Variants in NHSL1 observed in about 807,000 individuals in gnomAD.
NHSL1 encodes the protein NHS like 1.
A neutral mutation model predicts 95.0 loss-of-function variants in NHSL1; 48 were observed. The ratio of observed to expected loss-of-function variants is 0.51; its 90% CI spans 0.40 to 0.64. NHSL1 has a LOEUF of 0.64. Ranked by LOEUF, NHSL1 falls within the 30% of genes least tolerant of loss-of-function variation. NHSL1 has a pLI of 0.00. For synonymous variants in NHSL1, 783 were observed against 833.9 expected, an observed-to-expected ratio of 0.94 and a Z score of 1.05; for missense variants, 1,971 against 2,077.7, an observed-to-expected ratio of 0.95 and a Z score of 1.00.
At chr6:138,654,990 C>A (rs535750966) in intron 1 of NHSL1, among the ~76,000 whole-genome samples, 2 of 152,250 alleles carry the variant, frequency 1.3e-5, no homozygotes, top group South Asian at 2.1e-4. Flanking sequence ...TATTTCCATA[C>A]TGGTGGATAA....
At chr6:138,675,370 T>A (rs909991792) in intron 1 of NHSL1, among the ~76,000 whole-genome samples, 9 of 151,928 alleles carry the variant, frequency 5.9e-5, no homozygotes. Context: ...CCCTTCACCC[T>A]CCAAAAGGCA....
intron 3 of NHSL1, among the ~76,000 whole-genome samples, chr6:138,449,970 G>A (rs1331677876): frequency 6.6e-6 from 1 of 152,132 alleles, no homozygotes; most frequent in East Asian, 1.9e-4. Flanking sequence ...AACTGAGCAT[G>A]TTGTTGGTGT....
intron 3 of NHSL1, among the ~76,000 whole-genome samples, chr6:138,457,865 G>A (rs1158700199): frequency 6.6e-6 from 1 of 151,998 alleles, no homozygotes; most frequent in African/African-American, 2.4e-5. Context: ...AAAATTAGCT[G>A]GGCATGGTGG....
chr6:138,453,517 G>T (rs1777378215), intron 3 of NHSL1, among the ~76,000 whole-genome samples: 1 of 151,498 alleles, frequency 6.6e-6, no homozygotes, highest in South Asian at 2.1e-4. Context: ...AGCGTCCCTG[G>T]CTAATTTATT....
intron 1 of NHSL1, among the ~76,000 whole-genome samples, chr6:138,675,198 T>C (rs1785432858): frequency 6.6e-6 from 1 of 152,326 alleles, no homozygotes; most frequent in African/African-American, 2.4e-5. Flanking sequence ...TTCCCTCTTC[T>C]GGCTTGGTGC....
chr6:138,517,805 A>C (rs1240331794), intron 1 of NHSL1, among the ~76,000 whole-genome samples: 9 of 152,218 alleles, frequency 5.9e-5, no homozygotes, highest in Admixed American at 5.2e-4. Context: ...TTGTGGAGCC[A>C]CTGAAGCAGC....
chr6:138,426,073 A>G (rs1167475155), intron 7 of NHSL1, among the ~76,000 whole-genome samples: 1 of 152,218 alleles, frequency 6.6e-6, no homozygotes, highest in Non-Finnish European at 1.5e-5. Context: ...CAGTGAGCCA[A>G]GTGGCCCCTT....
chr6:138,520,378 T>C (rs1781629303), intron 1 of NHSL1, among the ~76,000 whole-genome samples: 1 of 134,256 alleles, frequency 7.4e-6, no homozygotes, highest in Non-Finnish European at 1.5e-5. Flanking sequence ...AACCTCTGCC[T>C]CCCGGGTTCA....
intron 1 of NHSL1, among the ~76,000 whole-genome samples, chr6:138,663,700 TCTCTA>T (rs1785259633): frequency 6.6e-6 from 1 of 151,976 alleles, no homozygotes; most frequent in African/African-American, 2.4e-5. Context: ...TGAAACCCCA[TCTCTA>T]CTAAAAAATA....
chr6:138,487,569 G>T (rs1000788217), intron 2 of NHSL1, among the ~76,000 whole-genome samples: 1 of 152,182 alleles, frequency 6.6e-6, no homozygotes, highest in African/African-American at 2.4e-5. Context: ...TAATATCTTT[G>T]TGTCAGTTAA....
At chr6:138,581,777 G>A (rs1784060638) in intron 1 of NHSL1, among the ~76,000 whole-genome samples, 1 of 151,392 alleles carries the variant, frequency 6.6e-6, no homozygotes, top group African/African-American at 2.4e-5. Flanking sequence ...TTGAGAGGCA[G>A]TGACACTGGG....
intron 7 of NHSL1, among the ~76,000 whole-genome samples, chr6:138,425,309 C>G (rs1775191176): frequency 6.6e-6 from 1 of 152,106 alleles, no homozygotes; most frequent in Non-Finnish European, 1.5e-5. Flanking sequence ...GTTGCCCAGG[C>G]TGGTCTCAAA....
chr6:138,430,607 ACT>A lies in NHSL1; in HGVS notation c.3736_3737del (p.Ser1246PhefsTer18). ...CATGAGAGCCAGCTTGGGCTGCAGAACTCTCTTTTGCCTCCCTGCTGTGCACA... is the reference window on the plus strand; with the variant it reads ...CATGAGAGCCAGCTTGGGCTGCAGAACTCTTTTGCCTCCCTGCTGTGCACA... The part of the protein sequence containing the change: ...GSVHSREAKE[S>X]SAAQAGSHAT... On this transcript the variant is annotated frameshift_variant, in exon 6 of 8. Transcript: ENST00000343505. LOFTEE classifies it high-confidence loss of function. This position sits in a 1 kb window ranked among gnomAD's most constrained non-coding sequence, Gnocchi z 4.7. 6.5e-7 allele frequency: 1 copy of A among 1,549,790 alleles called. No individual in the cohort carries two copies. Among genetic ancestry groups the A allele is most frequent in the South Asian group, 1.2e-5 (1 of 83,982 alleles).
chr6:138,463,498 G>A (rs377163415), intron 3 of NHSL1, among the ~76,000 whole-genome samples: 11 of 143,126 alleles, frequency 7.7e-5, no homozygotes, highest in African/African-American at 2.7e-4. Context: ...TCCCATGTGC[G>A]ATGTTCTTTT....
At chr6:138,524,787 T>C (rs1301149162) in intron 1 of NHSL1, among the ~76,000 whole-genome samples, 1 of 152,184 alleles carries the variant, frequency 6.6e-6, no homozygotes, top group African/African-American at 2.4e-5. Flanking sequence ...GAAACACTAG[T>C]AGAGTGATTT....
intron 1 of NHSL1, among the ~76,000 whole-genome samples, chr6:138,673,022 GATAGATAGGTAGATAGA>G (rs1785396756): frequency 2.4e-5 from 2 of 82,844 alleles, no homozygotes; most frequent in African/African-American, 1.3e-4. Context: ...TAGATAGCTA[GATAGATAGGTAGATAGA>G]TAGATAGATA....
intron 2 of NHSL1, among the ~76,000 whole-genome samples, chr6:138,484,722 TAG>T (rs1478186453): frequency 2.0e-5 from 3 of 152,150 alleles, no homozygotes; most frequent in Admixed American, 6.5e-5. Flanking sequence ...TAATTCCTAT[TAG>T]AGTGAAATTA....
chr6:138,569,072 A>G (rs1286617922), intron 1 of NHSL1, among the ~76,000 whole-genome samples: 1 of 152,194 alleles, frequency 6.6e-6, no homozygotes, highest in Non-Finnish European at 1.5e-5. Flanking sequence ...GGCAGGGAAC[A>G]GGCAAGCAGT....
At chr6:138,453,262 C>G (rs1777359062) in intron 3 of NHSL1, among the ~76,000 whole-genome samples, 1 of 152,160 alleles carries the variant, frequency 6.6e-6, no homozygotes, top group Non-Finnish European at 1.5e-5. Flanking sequence ...GCGTGAGCCA[C>G]CATGCCCAGC....
Sources: allele counts gnomAD v4.1 joint callset (sites outside exome capture counted in the v4.1 genomes callset), GRCh38; gene constraint gnomAD v4.1.1; non-coding constraint Gnocchi (gnomAD v3.1); transcripts MANE v1.5; gene names NCBI Gene and HGNC (gene_info 2026-07-23, HGNC 2026-07-21).